The following SDK1 variants were observed in gnomAD, a reference collection of about 807,000 sequenced individuals.
SDK1 encodes the protein protein sidekick-1.
SDK1 carries 157 observed loss-of-function variants against 245.5 expected under a neutral mutation model. The observed-to-expected ratio is 0.64, with a 90% confidence interval of 0.56 to 0.73. SDK1 has a LOEUF of 0.73. Ranked by LOEUF, SDK1 falls within the 30% of genes least tolerant of loss-of-function variation. SDK1 has a pLI of 0.00. For synonymous variants in SDK1, 1,647 were observed against 1,278.5 expected (o/e 1.29, Z -6.15); for missense variants, 3,583 against 3,002.3 (o/e 1.19, Z -4.52).
chr7:4,067,730 A>C, intron 19 of SDK1, 108 bp from the exon 20 acceptor site: 2 of 733,364 alleles, frequency 2.7e-6, no homozygotes, highest in Non-Finnish European at 4.6e-6. Flanking sequence ...AGGGTTTTGC[A>C]GCCCCAGCTC....
chr7:4,018,194 C>T (rs1303100207), intron 17 of SDK1, among the ~76,000 whole-genome samples: 1 of 152,188 alleles, frequency 6.6e-6, no homozygotes, highest in Admixed American at 6.5e-5. Flanking sequence ...TATGCCCTCG[C>T]CTGATTCACA....
chr7:3,664,123 T>C (rs1239724081), intron 4 of SDK1, among the ~76,000 whole-genome samples: 1 of 152,154 alleles, frequency 6.6e-6, no homozygotes, highest in Admixed American at 6.5e-5. Flanking sequence ...CAGTGAGCAT[T>C]TCTCAGTTTG....
At chr7:3,657,502 A>C (rs1783223870) in intron 4 of SDK1, among the ~76,000 whole-genome samples, 1 of 152,136 alleles carries the variant, frequency 6.6e-6, no homozygotes, top group Admixed American at 6.5e-5. Flanking sequence ...TGGAAGGCAC[A>C]CTGGATTTAA....
chr7:3,308,059 G>A lies in SDK1; in HGVS notation c.298+6175G>A, dbSNP rs575656876. Among the ~76,000 whole-genome samples the A allele has an allele frequency of 6.6e-5, 10 of 152,202 alleles. 1 individual carries two copies. In the South Asian group the frequency reaches 8.3e-4, roughly 13 times the overall value. On this transcript the variant is annotated intron_variant, in intron 1 of 44. Coordinates refer to ENST00000404826, the MANE Select transcript of SDK1 (RefSeq NM_152744.4). The stretch of plus-strand genomic sequence containing the variant: ...GTAGTATTTCTCCTTAGGTGCTGCC[G>A]TCTAACACATGATATATTTACTCTA...
intron 1 of SDK1, among the ~76,000 whole-genome samples, chr7:3,514,766 A>T (rs1379360285): frequency 6.6e-6 from 1 of 152,212 alleles, no homozygotes; most frequent in East Asian, 1.9e-4. Context: ...AACAAGGTAC[A>T]TTGTTTTATG....
At chr7:3,821,311 G>A (rs533360682) in intron 4 of SDK1, 139 bp from the exon 5 acceptor site, 1 of 912,352 alleles carries the variant, frequency 1.1e-6, no homozygotes, top group East Asian at 2.7e-5. Context: ...CTTAAAGTCG[G>A]CCTGTGTATT....
At chr7:3,973,226 A>C (rs550111568) in intron 12 of SDK1, among the ~76,000 whole-genome samples, 1 of 152,028 alleles carries the variant, frequency 6.6e-6, no homozygotes, top group Admixed American at 6.6e-5. Flanking sequence ...CAGTCTATCC[A>C]TCTCCCTCTT....
intron 44 of SDK1, among the ~76,000 whole-genome samples, chr7:4,259,825 A>G (rs1374764907): frequency 6.6e-6 from 1 of 152,312 alleles, no homozygotes; most frequent in Middle Eastern, 3.4e-3. Context: ...GCCTGGAACT[A>G]GGAGGAAGTT....
intron 1 of SDK1, among the ~76,000 whole-genome samples, chr7:3,617,688 TG>T (rs1781811561): frequency 6.6e-6 from 1 of 152,138 alleles, no homozygotes; most frequent in African/African-American, 2.4e-5. Flanking sequence ...AGACAGAGGA[TG>T]GGGGCCCAAC....
intron 5 of SDK1, among the ~76,000 whole-genome samples, chr7:3,914,292 A>G (rs918900267): frequency 1.3e-5 from 2 of 152,180 alleles, no homozygotes; most frequent in African/African-American, 4.8e-5. Flanking sequence ...TACTGGGTTC[A>G]TGTCAAATCT....
intron 44 of SDK1, among the ~76,000 whole-genome samples, chr7:4,255,441 G>C (rs1787562463): frequency 6.6e-6 from 1 of 152,214 alleles, no homozygotes; most frequent in South Asian, 2.1e-4. Context: ...GCACTGGGTT[G>C]AGAGGGCAGT....
intron 4 of SDK1, among the ~76,000 whole-genome samples, chr7:3,648,347 T>C (rs1243854739): frequency 6.6e-6 from 1 of 152,224 alleles, no homozygotes; most frequent in African/African-American, 2.4e-5. Flanking sequence ...AATTGCATCC[T>C]GTAGCCTACC....
intron 28 of SDK1, among the ~76,000 whole-genome samples, chr7:4,145,219 T>TG (rs1171394957): frequency 3.3e-5 from 5 of 151,820 alleles, no homozygotes; most frequent in Admixed American, 6.6e-5. Context: ...TGGAGGGAGC[T>TG]GGGGGGTCAG....
At chr7:3,442,746 C>T (rs539286630) in intron 1 of SDK1, among the ~76,000 whole-genome samples, 1 of 152,268 alleles carries the variant, frequency 6.6e-6, no homozygotes, top group Non-Finnish European at 1.5e-5. Flanking sequence ...AGCATATTTT[C>T]TCCATTTTTC....
chr7:4,158,891 C>T (rs1002988700), intron 31 of SDK1, among the ~76,000 whole-genome samples: 16 of 152,186 alleles, frequency 1.1e-4, no homozygotes, highest in South Asian at 4.1e-4. Context: ...TTCTCATTCA[C>T]GAGCCACTCT....
At chr7:3,456,930 G>T (rs1423663950) in intron 1 of SDK1, among the ~76,000 whole-genome samples, 1 of 152,154 alleles carries the variant, frequency 6.6e-6, no homozygotes, top group Non-Finnish European at 1.5e-5. Context: ...TAGAGCGTTT[G>T]TCTTGCTGTT....
chr7:3,447,229 CT>C (rs1780366938), intron 1 of SDK1, among the ~76,000 whole-genome samples: 1 of 152,048 alleles, frequency 6.6e-6, no homozygotes, highest in Non-Finnish European at 1.5e-5. Context: ...TTAATATTTT[CT>C]TAAGTTACAA....
At chr7:3,372,820 A>C (rs1781260646) in intron 1 of SDK1, among the ~76,000 whole-genome samples, 1 of 152,198 alleles carries the variant, frequency 6.6e-6, no homozygotes, top group African/African-American at 2.4e-5. Flanking sequence ...AAATGTGTAA[A>C]GGTGATGGAT....
At chr7:3,674,568 A>G (rs377463056) in intron 4 of SDK1, among the ~76,000 whole-genome samples, 1 of 152,162 alleles carries the variant, frequency 6.6e-6, no homozygotes, top group African/African-American at 2.4e-5. Context: ...AGAGCTGTTC[A>G]TGGCTGTTTG....
Sources: allele counts gnomAD v4.1 joint callset (sites outside exome capture counted in the v4.1 genomes callset), GRCh38; gene constraint gnomAD v4.1.1; transcripts MANE v1.5; gene names NCBI Gene and HGNC (gene_info 2026-07-23, HGNC 2026-07-21).